Variants in DLG1 observed in about 807,000 individuals in gnomAD.
The protein encoded by DLG1 is disks large homolog 1.
DLG1 carries 42 observed loss-of-function variants against 123.4 expected under a neutral mutation model. That is an observed-to-expected ratio of 0.34 (90% CI 0.27 to 0.44). The LOEUF (loss-of-function observed/expected upper bound fraction) is 0.44, where lower values mean the gene tolerates loss of function less well. Among genes scored for constraint, DLG1 ranks in the 20% least tolerant of loss-of-function variants. The probability of loss-of-function intolerance (pLI) is 1.00; values close to 1 mark genes in which losing one functional copy is unlikely to be tolerated. For missense variants in DLG1, 942 were observed against 1,082.6 expected (o/e 0.87, Z 1.82); for synonymous variants, 317 against 356.2 (o/e 0.89, Z 1.24).
At chr3:197,193,377 A>G (rs1408724536) in intron 5 of DLG1, among the ~76,000 whole-genome samples, 1 of 152,210 alleles carries the variant, frequency 6.6e-6, no homozygotes, top group Non-Finnish European at 1.5e-5. Flanking sequence ...TGAAGAGAAC[A>G]TGGATCAATT....
intron 15 of DLG1, among the ~76,000 whole-genome samples, chr3:197,087,040 A>G (rs1313307354): frequency 1.3e-5 from 2 of 152,208 alleles, no homozygotes; most frequent in Non-Finnish European, 2.9e-5. Flanking sequence ...ATTAATCGTA[A>G]GAGTGCAATG....
intron 4 of DLG1, among the ~76,000 whole-genome samples, chr3:197,195,895 G>A (rs1459456298): frequency 6.6e-6 from 1 of 151,808 alleles, no homozygotes. Context: ...AGAAAAAAAT[G>A]GGTCAGTAAA....
intron 5 of DLG1, among the ~76,000 whole-genome samples, chr3:197,183,091 T>C (rs930965790): frequency 1.3e-5 from 2 of 152,210 alleles, no homozygotes; most frequent in Non-Finnish European, 2.9e-5. Context: ...TCAGTATATA[T>C]AATACTAGCC....
intron 13 of DLG1, among the ~76,000 whole-genome samples, chr3:197,115,430 T>G (rs1253634296): frequency 6.6e-6 from 1 of 151,326 alleles, no homozygotes; most frequent in East Asian, 1.9e-4. Flanking sequence ...GTAAAACCAC[T>G]ATTATAAATC....
At chr3:197,245,827 C>T (rs1020141279) in intron 4 of DLG1, among the ~76,000 whole-genome samples, 1 of 142,126 alleles carries the variant, frequency 7.0e-6, no homozygotes, top group Non-Finnish European at 1.5e-5. Context: ...CTTTGGTCTG[C>T]GAGGTTATTC....
intron 6 of DLG1, among the ~76,000 whole-genome samples, chr3:197,143,799 C>T (rs9820023): frequency 0.33 from 50,319 of 151,942 alleles, 8,994 homozygotes; most frequent in South Asian, 0.43. Flanking sequence ...AATTTTGTGC[C>T]TCCTCGGTCA....
chr3:197,135,971 C>G (rs933556507), intron 10 of DLG1, among the ~76,000 whole-genome samples: 2 of 151,944 alleles, frequency 1.3e-5, no homozygotes, highest in African/African-American at 4.8e-5. Context: ...ATCACCAGGT[C>G]TGGTTAATTT....
At chr3:197,104,024 TA>T (rs375498128) in intron 14 of DLG1, among the ~76,000 whole-genome samples, 3 of 152,226 alleles carry the variant, frequency 2.0e-5, no homozygotes, top group East Asian at 3.9e-4. Flanking sequence ...CCCAGGAACT[TA>T]GTAAAGTCAC....
chr3:197,062,735 A>C (rs1408922634), intron 22 of DLG1, among the ~76,000 whole-genome samples: 3 of 152,162 alleles, frequency 2.0e-5, no homozygotes, highest in Non-Finnish European at 4.4e-5. Context: ...TCCGGGCCCC[A>C]GATATTCTCA....
chr3:197,202,233 T>C (rs1014414837), intron 4 of DLG1, among the ~76,000 whole-genome samples: 3 of 152,230 alleles, frequency 2.0e-5, no homozygotes, highest in Admixed American at 1.3e-4. Context: ...CTGTATTATA[T>C]CTGCATTTCA....
At chr3:197,166,989 A>T (rs1235793841) in intron 5 of DLG1, among the ~76,000 whole-genome samples, 1 of 152,070 alleles carries the variant, frequency 6.6e-6, no homozygotes, top group Non-Finnish European at 1.5e-5. Flanking sequence ...CAAGCACAAG[A>T]TGTGTGTAGA....
chr3:197,064,610 A>G (rs1165002872), intron 22 of DLG1, among the ~76,000 whole-genome samples: 1 of 150,222 alleles, frequency 6.7e-6, no homozygotes, highest in African/African-American at 2.5e-5. Context: ...GTTTTTTTCT[A>G]TTGGGTTTCT....
At chr3:197,166,815 CCAGGAGG>C (rs1801674685) in intron 5 of DLG1, among the ~76,000 whole-genome samples, 2 of 151,864 alleles carry the variant, frequency 1.3e-5, no homozygotes, top group African/African-American at 4.8e-5. Flanking sequence ...CGCTTTGAAC[CCAGGAGG>C]CAGAGGTTGC....
At chr3:197,079,606 A>T (rs1749582104) in intron 17 of DLG1, among the ~76,000 whole-genome samples, 1 of 152,204 alleles carries the variant, frequency 6.6e-6, no homozygotes, top group East Asian at 1.9e-4. Context: ...TTTTCAATTT[A>T]TTGATGGTAT....
intron 3 of DLG1, among the ~76,000 whole-genome samples, chr3:197,294,246 A>G (rs1157846012): frequency 1.3e-5 from 2 of 152,240 alleles, no homozygotes; most frequent in African/African-American, 2.4e-5. Context: ...AAAATGTGAT[A>G]TAGTACCACA....
chr3:197,191,192 GAATT>G (rs886505830), intron 5 of DLG1, among the ~76,000 whole-genome samples: 4 of 152,032 alleles, frequency 2.6e-5, no homozygotes, highest in Non-Finnish European at 5.9e-5. Context: ...TGAATTTTTT[GAATT>G]AATTTAGAGA....
chr3:197,090,293 T>G (rs896915017), intron 15 of DLG1, among the ~76,000 whole-genome samples: 3 of 124,360 alleles, frequency 2.4e-5, no homozygotes, highest in Non-Finnish European at 3.4e-5. Flanking sequence ...TTAAGTCTTA[T>G]AAGCCAACGA....
rs1761600947 is a variant in DLG1, at chr3:197,098,053, T to C, written c.1546+6850A>G. Among the ~76,000 whole-genome samples the C allele has an allele frequency of 3.3e-5, 5 of 152,164 alleles. No homozygotes were observed. The South Asian group carries it at 1.0e-3, about 32-fold the overall frequency. Reference sequence around the variant, plus strand: ...TTTATTTTTAATAAAGGCTATGTTTTAGTTTGAAAAATATCTGAAAATTTA... The same window carrying C: ...TTTATTTTTAATAAAGGCTATGTTTCAGTTTGAAAAATATCTGAAAATTTA... On this transcript the variant is annotated intron_variant, in intron 14 of 24. Transcript: ENST00000667157.
At chr3:197,260,280 G>A in intron 4 of DLG1, 1 of 436,102 alleles carries the variant, frequency 2.3e-6, no homozygotes, top group Non-Finnish European at 4.6e-6. Context: ...CAATGCACAG[G>A]CAATCCATTA....
Sources: gnomAD v4.1 joint callset for allele counts (sites outside exome capture counted in the v4.1 genomes callset) on GRCh38, gnomAD v4.1.1 for gene constraint, MANE v1.5 for transcripts, NCBI Gene and HGNC (gene_info 2026-07-23, HGNC 2026-07-21) for gene names.